Variants in PPP1R9A observed in about 807,000 individuals in gnomAD.
PPP1R9A encodes the protein neurabin-1.
PPP1R9A carries 59 observed loss-of-function variants against 141.9 expected under a neutral mutation model. The ratio of observed to expected loss-of-function variants is 0.42; its 90% CI spans 0.34 to 0.52. The LOEUF is 0.52. Ranked by LOEUF, PPP1R9A falls within the 20% of genes least tolerant of loss-of-function variation. The pLI is 0.10. For synonymous variants in PPP1R9A, 500 were observed against 569.7 expected (o/e 0.88, Z 1.74); for missense variants, 1,444 against 1,611.9 (o/e 0.90, Z 1.78).
At chr7:95,069,190 A>G (rs1228683103) in intron 2 of PPP1R9A, among the ~76,000 whole-genome samples, 1 of 152,284 alleles carries the variant, frequency 6.6e-6, no homozygotes, top group African/African-American at 2.4e-5. Context: ...CTGTCTACCT[A>G]ATGATTTTCC....
At chr7:95,197,461 C>T (rs1836445962) in intron 5 of PPP1R9A, among the ~76,000 whole-genome samples, 1 of 151,972 alleles carries the variant, frequency 6.6e-6, no homozygotes, top group Non-Finnish European at 1.5e-5. Flanking sequence ...TATTTCCTTT[C>T]CTCCCTTATT....
At chr7:95,038,722 T>C (rs1384852797) in intron 2 of PPP1R9A, among the ~76,000 whole-genome samples, 1 of 152,106 alleles carries the variant, frequency 6.6e-6, no homozygotes, top group African/African-American at 2.4e-5. Context: ...TAAAAGACAT[T>C]CTGTAATCTC....
At position 95,091,877 on chromosome 7, in the gene PPP1R9A, G is replaced by GT. The variant is rs375173154; in HGVS notation, c.1396-19376dup. Among the ~76,000 whole-genome samples the GT allele has an allele frequency of 1.9e-3, 288 of 149,684 alleles. 4 individuals carry two copies. The highest frequency in any genetic ancestry group is 6.7e-3 in the African/African-American group (265 of 39,690). On this transcript the variant is annotated intron_variant, in intron 2 of 19. Transcript: ENST00000433360. The stretch of plus-strand genomic sequence containing the variant: ...TGTGTGGCAAGGAGAGAAAAGCATG[G>GT]TTTTTTAATTCATGGACTTGTATTT...
chr7:95,127,669 C>T (rs76811533), intron 4 of PPP1R9A, among the ~76,000 whole-genome samples: 1,626 of 152,220 alleles, frequency 0.011, 32 homozygotes, highest in African/African-American at 0.036. Flanking sequence ...GTCTCCCTCT[C>T]TTGCTCTCCC....
At chr7:95,181,309 TATATATAGAATATATATATAGA>T (rs899678021) in intron 5 of PPP1R9A, among the ~76,000 whole-genome samples, 37 of 140,654 alleles carry the variant, frequency 2.6e-4, no homozygotes, top group Non-Finnish European at 4.4e-4. Context: ...ATAGAGAGAA[TATATATAGAATATATATATAGA>T]ATATATAGAA....
chr7:95,205,170 G>T (rs1790521984), intron 7 of PPP1R9A, among the ~76,000 whole-genome samples: 1 of 152,154 alleles, frequency 6.6e-6, no homozygotes, highest in East Asian at 1.9e-4. Flanking sequence ...TACAGGTTAG[G>T]ATAGGAACCT....
At chr7:95,252,499 A>T (rs1387740668) in intron 12 of PPP1R9A, among the ~76,000 whole-genome samples, 1 of 123,312 alleles carries the variant, frequency 8.1e-6, no homozygotes, top group African/African-American at 3.3e-5. Flanking sequence ...TGAGAGTCTC[A>T]CTCTGTCATC....
chr7:94,958,652 A>G (rs1373613131), intron 2 of PPP1R9A, among the ~76,000 whole-genome samples: 1 of 152,078 alleles, frequency 6.6e-6, no homozygotes, highest in Admixed American at 6.6e-5. Flanking sequence ...AGGTAAATAC[A>G]GTTTCATTAA....
chr7:95,228,605 G>A (rs1233951732), intron 8 of PPP1R9A, among the ~76,000 whole-genome samples: 1 of 152,082 alleles, frequency 6.6e-6, no homozygotes, highest in Non-Finnish European at 1.5e-5. Flanking sequence ...ATATTGATGA[G>A]CTAAGTCGCA....
At chr7:95,203,854 T>G in intron 7 of PPP1R9A, 124 bp downstream of exon 7, 1 of 624,852 alleles carries the variant, frequency 1.6e-6, no homozygotes, top group South Asian at 2.4e-5. Flanking sequence ...GTGATGTGTT[T>G]TGTGCATTGA....
Position 95,223,715 on chromosome 7 carries a change from G to C in PPP1R9A, c.1957-2246G>C, listed in dbSNP as rs541558253. On this transcript the variant is annotated intron_variant, in intron 7 of 19. Transcript: ENST00000433360. ...AGGGCTTAGTCATACTTTAAATTTA[G>C]CATAAGAGTTTCTTGAGTCATTCAA... Among the ~76,000 whole-genome samples the C allele has an allele frequency of 3.3e-5, 5 of 152,084 alleles. No individual in the cohort carries two copies. The East Asian group carries it at 9.7e-4, about 29-fold the overall frequency.
At chr7:95,017,799 G>T (rs1263435247) in intron 2 of PPP1R9A, among the ~76,000 whole-genome samples, 1 of 152,164 alleles carries the variant, frequency 6.6e-6, no homozygotes, top group Non-Finnish European at 1.5e-5. Flanking sequence ...ATGATCAATT[G>T]ATTTTTTTAA....
At chr7:95,023,098 T>C (rs1404290216) in intron 2 of PPP1R9A, among the ~76,000 whole-genome samples, 2 of 152,176 alleles carry the variant, frequency 1.3e-5, no homozygotes, top group Admixed American at 1.3e-4. Context: ...GCTGTGATTC[T>C]GTCTGGTCCT....
intron 4 of PPP1R9A, among the ~76,000 whole-genome samples, chr7:95,130,701 C>A (rs1483154611): frequency 6.6e-6 from 1 of 152,112 alleles, no homozygotes; most frequent in East Asian, 1.9e-4. Flanking sequence ...GTGGAGCTTC[C>A]CAAAACCACA....
chr7:94,973,088 G>A (rs1196462719), intron 2 of PPP1R9A, among the ~76,000 whole-genome samples: 1 of 152,150 alleles, frequency 6.6e-6, no homozygotes, highest in Non-Finnish European at 1.5e-5. Context: ...TTAAAACAAT[G>A]CTGAGATTTC....
Position 94,967,753 on chromosome 7 carries a change from G to A in PPP1R9A, c.1395+56245G>A, listed in dbSNP as rs1798376005. Among the ~76,000 whole-genome samples the A allele has an allele frequency of 2.0e-5, 3 of 152,022 alleles. No homozygotes were observed. The South Asian group carries it at 6.2e-4, about 31-fold the overall frequency. ...GTTTCTTAATCCTGAATTCTAATTT[G>A]ATTGCACTGTGGTCTGGGAGACTGT... On this transcript the variant is annotated intron_variant, in intron 2 of 19. Coordinates refer to ENST00000433360, the MANE Select transcript of PPP1R9A (RefSeq NM_001166160.2).
intron 4 of PPP1R9A, among the ~76,000 whole-genome samples, chr7:95,151,756 C>G (rs1362654082): frequency 6.6e-6 from 1 of 151,056 alleles, no homozygotes; most frequent in African/African-American, 2.4e-5. Context: ...TAGAGAAGCT[C>G]TCCAAATTTC....
chr7:95,054,690 G>A (rs1412502384), intron 2 of PPP1R9A, among the ~76,000 whole-genome samples: 1 of 152,002 alleles, frequency 6.6e-6, no homozygotes, highest in Non-Finnish European at 1.5e-5. Context: ...TTCCACATCT[G>A]ACCTTTTTCT....
chr7:94,908,746 A>G (rs1234372676), intron 1 of PPP1R9A, among the ~76,000 whole-genome samples: 1 of 152,220 alleles, frequency 6.6e-6, no homozygotes, highest in East Asian at 1.9e-4. Flanking sequence ...TGTGGCTTTA[A>G]AAAGAATGGT....
Sources: gnomAD v4.1 joint callset for allele counts (sites outside exome capture counted in the v4.1 genomes callset) on GRCh38, gnomAD v4.1.1 for gene constraint, MANE v1.5 for transcripts, NCBI Gene and HGNC (gene_info 2026-07-23, HGNC 2026-07-21) for gene names.